Variants in TANK observed in about 807,000 individuals in gnomAD.
TANK encodes TRAF family member associated NFKB activator, also known as TRAF family member-associated NF-kappa-B activator.
Under a neutral mutation model 43.6 loss-of-function variants are expected in TANK, and 15 were observed. The ratio of observed to expected loss-of-function variants is 0.34; its 90% CI spans 0.23 to 0.53. The LOEUF (loss-of-function observed/expected upper bound fraction) is 0.53, where lower values mean the gene tolerates loss of function less well. Ranked by LOEUF, TANK falls within the 20% of genes least tolerant of loss-of-function variation. TANK has a pLI of 0.94. For synonymous variants in TANK, 162 were observed against 178.2 expected (o/e 0.91, Z 0.73); for missense variants, 417 against 498.6 (o/e 0.84, Z 1.56).
intron 3 of TANK, among the ~76,000 whole-genome samples, chr2:161,204,233 A>G (rs755784173): frequency 1.9e-4 from 29 of 152,216 alleles, no homozygotes; most frequent in African/African-American, 5.3e-4. Context: ...ATTAACTGGA[A>G]TAATTCACAG....
At chr2:161,231,629 TTTACG>T in intron 7 of TANK, 78 bp downstream of exon 7, 1 of 1,295,554 alleles carries the variant, frequency 7.7e-7, no homozygotes, top group South Asian at 1.2e-5. Flanking sequence ...ATGCATCTCT[TTTACG>T]TTATCAAACA....
At chr2:161,153,687 CA>C (rs11395042) in intron 1 of TANK, among the ~76,000 whole-genome samples, 4,322 of 76,240 alleles carry the variant, frequency 0.057, 66 homozygotes, top group East Asian at 0.2. Flanking sequence ...GGCCCTGTCT[CA>C]AAAAAAAAAA....
rs1688162533 is a variant in TANK at position 161,236,167 on chromosome 2, G to C, written c.*649G>C. 1 of 144,750 alleles carries C rather than the reference G, an allele frequency of 6.9e-6. No homozygotes were observed. The highest frequency in any genetic ancestry group is 2.1e-4 in the South Asian group (1 of 4,664). The allele number at this position is 144,750 out of a possible 1,614,324, so 9.0% of individuals were successfully genotyped here. On this transcript the variant is annotated 3_prime_UTR_variant, in exon 8 of 8. Coordinates refer to ENST00000392749, the MANE Select transcript of TANK (RefSeq NM_001199135.3). The stretch of plus-strand genomic sequence containing the variant: ...CATGATGAAATTAATTAAATATTAA[G>C]AGGTACTTATGTTGTGATCATTTGT...
At chr2:161,149,528 A>C (rs1467928574) in intron 1 of TANK, among the ~76,000 whole-genome samples, 6 of 152,186 alleles carry the variant, frequency 3.9e-5, no homozygotes, top group Non-Finnish European at 7.4e-5. Flanking sequence ...AGTGTTAAAT[A>C]GCAGTGGTGA....
At chr2:161,210,404 A>T (rs562510454) in intron 4 of TANK, among the ~76,000 whole-genome samples, 2 of 152,352 alleles carry the variant, frequency 1.3e-5, no homozygotes, top group African/African-American at 4.8e-5. Flanking sequence ...ATTGTAATAG[A>T]CAACATCTAT....
chr2:161,138,032 G>T (rs1350832386), intron 1 of TANK: 1 of 556,780 alleles, frequency 1.8e-6, no homozygotes, highest in Non-Finnish European at 2.1e-6. Context: ...AAAAGCACAT[G>T]ATAGTGAATA....
At chr2:161,140,178 A>G (rs1033471002) in intron 1 of TANK, among the ~76,000 whole-genome samples, 20 of 152,196 alleles carry the variant, frequency 1.3e-4, no homozygotes, top group African/African-American at 4.3e-4. Flanking sequence ...AGAAAATTCA[A>G]TAGGAGTTAT....
intron 1 of TANK, among the ~76,000 whole-genome samples, chr2:161,145,201 TTTGAGCCTATGTGTGTCTTTGCA>T (rs1683875078): frequency 6.6e-6 from 1 of 150,690 alleles, no homozygotes; most frequent in Non-Finnish European, 1.5e-5. Context: ...ATCCCTTTAT[TTTGAGCCTATGTGTGTCTTTGCA>T]TGTGAGATAG....
intron 2 of TANK, among the ~76,000 whole-genome samples, chr2:161,198,501 A>T (rs1259331569): frequency 6.6e-6 from 1 of 152,246 alleles, no homozygotes; most frequent in Non-Finnish European, 1.5e-5. Context: ...GGGCAACTCC[A>T]CTAGGAATTG....
chr2:161,201,275 A>G (rs956572956), intron 2 of TANK: 2 of 932,672 alleles, frequency 2.1e-6, no homozygotes, highest in Non-Finnish European at 2.6e-6. Flanking sequence ...TAGCTATTGA[A>G]TACATTTTCA....
At chr2:161,179,841 T>C (rs560500365) in intron 2 of TANK, 80 bp downstream of exon 2, 5 of 1,489,448 alleles carry the variant, frequency 3.4e-6, no homozygotes, top group Admixed American at 4.3e-5. Context: ...AAAAATGTTA[T>C]ATTGTTAGAA....
chr2:161,227,847 A>G (rs1020828827), intron 6 of TANK, among the ~76,000 whole-genome samples: 13 of 152,352 alleles, frequency 8.5e-5, no homozygotes, highest in African/African-American at 3.1e-4. Context: ...TTTCAAGTCT[A>G]CTGCCAGGGA....
At chr2:161,226,812 A>ACTCCT (rs1371173101) in intron 6 of TANK, among the ~76,000 whole-genome samples, 1 of 152,268 alleles carries the variant, frequency 6.6e-6, no homozygotes, top group Non-Finnish European at 1.5e-5. Flanking sequence ...GTCCAATTTC[A>ACTCCT]GTAGAGATTG....
At chr2:161,187,557 G>A (rs1404381518) in intron 2 of TANK, among the ~76,000 whole-genome samples, 1 of 152,158 alleles carries the variant, frequency 6.6e-6, no homozygotes, top group Non-Finnish European at 1.5e-5. Context: ...GAGCTCCAAA[G>A]TATATGAAGC....
intron 1 of TANK, among the ~76,000 whole-genome samples, chr2:161,167,158 A>G (rs3769979): frequency 0.041 from 6,197 of 152,298 alleles, 262 homozygotes; most frequent in East Asian, 0.18. Context: ...TCAACCACCT[A>G]CAAAAAAGTA....
upstream of TANK, among the ~76,000 whole-genome samples, chr2:161,159,636 A>G (rs1684319724): frequency 6.6e-6 from 1 of 152,242 alleles, no homozygotes; most frequent in Non-Finnish European, 1.5e-5. Flanking sequence ...GCCTAAGGAA[A>G]GATGTGTAAA....
intron 1 of TANK, among the ~76,000 whole-genome samples, chr2:161,168,654 G>A (rs1684804300): frequency 6.6e-6 from 1 of 152,194 alleles, no homozygotes; most frequent in African/African-American, 2.4e-5. Context: ...CTAACATGGT[G>A]AAACCCCGTC....
At chr2:161,195,076 G>GATACAAA (rs1686085117) in intron 2 of TANK, among the ~76,000 whole-genome samples, 1 of 152,114 alleles carries the variant, frequency 6.6e-6, no homozygotes. Context: ...TTCTTCCAAG[G>GATACAAA]TTTTACTTCC....
At chr2:161,231,618 T>TA in intron 7 of TANK, 67 bp downstream of exon 7, 1 of 1,386,940 alleles carries the variant, frequency 7.2e-7, no homozygotes, top group South Asian at 1.2e-5. Flanking sequence ...CATGCACAGA[T>TA]ATGCATCTCT....
Sources: gnomAD v4.1 joint callset for allele counts (sites outside exome capture counted in the v4.1 genomes callset) on GRCh38, gnomAD v4.1.1 for gene constraint, MANE v1.5 for transcripts, NCBI Gene and HGNC (gene_info 2026-07-23, HGNC 2026-07-21) for gene names.